The following RNF216 variants were observed in gnomAD, a reference collection of about 807,000 sequenced individuals.
RNF216 encodes E3 ubiquitin-protein ligase RNF216.
A neutral mutation model predicts 110.8 loss-of-function variants in RNF216; 72 were observed. The observed-to-expected ratio is 0.65, with a 90% confidence interval of 0.54 to 0.79. The LOEUF is 0.79. Among genes scored for constraint, RNF216 ranks in the 30% least tolerant of loss-of-function variants. RNF216 has a pLI of 0.00. For synonymous variants in RNF216, 495 were observed against 407.5 expected (o/e 1.21, Z -2.59); for missense variants, 1,342 against 1,141.2 (o/e 1.18, Z -2.54).
chr7:5,623,973 T>C, intron 16 of RNF216, 83 bp downstream of exon 16: 1 of 1,218,420 alleles, frequency 8.2e-7, no homozygotes, highest in Non-Finnish European at 1.2e-6. Context: ...CTGGGTTGAG[T>C]GCCAGGACAC....
chr7:5,689,942 A>T (rs10250639), intron 13 of RNF216, among the ~76,000 whole-genome samples: 1 of 151,718 alleles, frequency 6.6e-6, no homozygotes, highest in Non-Finnish European at 1.5e-5. Flanking sequence ...AACAAAAAAA[A>T]AAAAAGAACA....
At chr7:5,673,924 G>A (rs1241980990) in intron 13 of RNF216, among the ~76,000 whole-genome samples, 2 of 138,766 alleles carry the variant, frequency 1.4e-5, no homozygotes, top group African/African-American at 5.5e-5. Context: ...GCACTGGCAT[G>A]ATCTCTGCTC....
At chr7:5,635,218 T>C (rs983303185) in intron 15 of RNF216, among the ~76,000 whole-genome samples, 2 of 151,688 alleles carry the variant, frequency 1.3e-5, no homozygotes, top group African/African-American at 4.8e-5. Flanking sequence ...GTGTGGCTAT[T>C]AAGAGGAAGA....
At chr7:5,657,936 A>G (rs942981044) in intron 13 of RNF216, among the ~76,000 whole-genome samples, 3 of 152,244 alleles carry the variant, frequency 2.0e-5, no homozygotes, top group Admixed American at 6.5e-5. Flanking sequence ...AAGAATGCAC[A>G]TAACAGCCGA....
At chr7:5,668,530 G>T (rs183894228) in intron 13 of RNF216, among the ~76,000 whole-genome samples, 23 of 152,064 alleles carry the variant, frequency 1.5e-4, no homozygotes, top group Admixed American at 1.3e-4. Context: ...GCCACAAAGC[G>T]GACTTTTAAT....
intron 16 of RNF216, among the ~76,000 whole-genome samples, chr7:5,623,481 T>TA (rs1050620759): frequency 6.0e-5 from 9 of 151,052 alleles, no homozygotes; most frequent in Non-Finnish European, 1.2e-4. Flanking sequence ...TTTTTTTTTT[T>TA]AATAGATGGG....
At chr7:5,733,234 C>A (rs1331434318) in intron 5 of RNF216, 1 of 152,226 alleles carries the variant, frequency 6.6e-6, no homozygotes, top group African/African-American at 2.4e-5. Flanking sequence ...AGATGCAATA[C>A]AATGACTGTA....
At chr7:5,722,234 T>C (rs1793470913) in intron 8 of RNF216, among the ~76,000 whole-genome samples, 1 of 152,188 alleles carries the variant, frequency 6.6e-6, no homozygotes, top group South Asian at 2.1e-4. Context: ...AATTTATGTT[T>C]TTCTAGAAAA....
intron 3 of RNF216, among the ~76,000 whole-genome samples, chr7:5,746,483 C>T (rs1795036309): frequency 6.6e-6 from 1 of 152,044 alleles, no homozygotes; most frequent in South Asian, 2.1e-4. Flanking sequence ...GTGTTGAGTG[C>T]AGGGAGGGTA....
At chr7:5,722,793 G>A (rs895153283) in intron 8 of RNF216, among the ~76,000 whole-genome samples, 10 of 151,956 alleles carry the variant, frequency 6.6e-5, no homozygotes, top group African/African-American at 2.4e-4. Flanking sequence ...AGGCCAAGGA[G>A]GGCACATCAT....
chr7:5,634,355 T>C (rs1787266820), intron 15 of RNF216, among the ~76,000 whole-genome samples: 1 of 152,194 alleles, frequency 6.6e-6, no homozygotes. Context: ...ACAGCTGTTG[T>C]TAATAAACTT....
chr7:5,729,660 A>C, intron 6 of RNF216, 64 bp from the exon 7 acceptor site: 1 of 1,300,500 alleles, frequency 7.7e-7, no homozygotes, highest in Admixed American at 2.0e-5. Context: ...AGGGGAAATC[A>C]TTTTAAGAAT....
intron 14 of RNF216, among the ~76,000 whole-genome samples, chr7:5,644,116 G>GAA (rs1787907625): frequency 2.0e-5 from 3 of 151,542 alleles, no homozygotes; most frequent in Non-Finnish European, 2.9e-5. Context: ...TTTGCTTTTT[G>GAA]GCTGGTGTGA....
chr7:5,705,049 C>T (rs182063232), intron 13 of RNF216, among the ~76,000 whole-genome samples: 1 of 152,160 alleles, frequency 6.6e-6, no homozygotes, highest in Non-Finnish European at 1.5e-5. Flanking sequence ...CATTTCTAAG[C>T]TAATAATAAT....
rs776355060 is a variant in RNF216, at chr7:5,741,349, G to A, written c.668C>T (p.Ala223Val). The change falls in exon 4 of 17, where the codon GCC (alanine) becomes GTC (valine). Residue 223 changes from alanine (A) to valine (V), a missense_variant. Coordinates refer to ENST00000389902, the MANE Select transcript of RNF216 (RefSeq NM_207111.4). Reference sequence around the variant, plus strand: ...ATCTAACCAGCAGTCTTCTTCGATGGCCTGATCATCTGCTAGAGCAGCTGA... The same window carrying A: ...ATCTAACCAGCAGTCTTCTTCGATGACCTGATCATCTGCTAGAGCAGCTGA... ...GESAALADDQ[A>V]IEEDCWLDHP... 12 of 1,614,148 alleles carry A rather than the reference G, an allele frequency of 7.4e-6. No individual in the cohort carries two copies. The South Asian group carries it at 1.1e-4, about 15-fold the overall frequency.
At chr7:5,776,926 GAAA>G (rs1303212641) in intron 1 of RNF216, among the ~76,000 whole-genome samples, 1 of 139,748 alleles carries the variant, frequency 7.2e-6, no homozygotes, top group Non-Finnish European at 1.5e-5. Flanking sequence ...AAGAGAGAGA[GAAA>G]AAGAGAGAGA....
intron 13 of RNF216, among the ~76,000 whole-genome samples, chr7:5,665,605 T>C (rs1422817856): frequency 6.6e-6 from 1 of 152,056 alleles, no homozygotes; most frequent in East Asian, 1.9e-4. Flanking sequence ...CCAGCTTGAC[T>C]GCTCTGGGAG....
chr7:5,651,432 A>G (rs890656871), intron 14 of RNF216, among the ~76,000 whole-genome samples: 4 of 151,954 alleles, frequency 2.6e-5, no homozygotes, highest in Admixed American at 6.6e-5. Flanking sequence ...AGGTTTTACC[A>G]TATTGCCCAG....
chr7:5,688,368 A>G (rs852266), intron 13 of RNF216, among the ~76,000 whole-genome samples: 28,096 of 152,132 alleles, frequency 0.18, 4,689 homozygotes, highest in African/African-American at 0.45. Flanking sequence ...CCGCATGTCA[A>G]AGGAAATTGC....
Sources: gnomAD v4.1 joint callset for allele counts (sites outside exome capture counted in the v4.1 genomes callset) on GRCh38, gnomAD v4.1.1 for gene constraint, MANE v1.5 for transcripts, NCBI Gene and HGNC (gene_info 2026-07-23, HGNC 2026-07-21) for gene names.